The following POTEC variants were observed in gnomAD, a reference collection of about 807,000 sequenced individuals.
The protein encoded by POTEC is POTE ankyrin domain family member C.
A neutral mutation model predicts 62.0 loss-of-function variants in POTEC; 35 were observed. That is an observed-to-expected ratio of 0.56 (90% CI 0.43 to 0.75). The LOEUF (loss-of-function observed/expected upper bound fraction) is 0.75. Among genes scored for constraint, POTEC ranks in the 30% least tolerant of loss-of-function variants. The pLI is 0.00. For synonymous variants in POTEC, 156 were observed against 221.5 expected (o/e 0.70, Z 2.62); for missense variants, 472 against 655.9 (o/e 0.72, Z 3.06).
chr18:14,535,920 G>T (rs1382565615), intron 3 of POTEC, among the ~76,000 whole-genome samples: 5 of 152,046 alleles, frequency 3.3e-5, no homozygotes, highest in Non-Finnish European at 7.4e-5. Flanking sequence ...CTATTATTCT[G>T]TAAGCTGATA....
At chr18:14,523,230 C>T (rs1910353811) in intron 8 of POTEC, among the ~76,000 whole-genome samples, 1 of 148,124 alleles carries the variant, frequency 6.8e-6, no homozygotes, top group Admixed American at 6.8e-5. Flanking sequence ...CATTACCTAG[C>T]ATTTTATGGC....
In POTEC at chr18:14,510,159, C is replaced by A. The variant is rs1206173044; in HGVS notation, c.*1739G>T. On this transcript the variant is annotated 3_prime_UTR_variant, in exon 11 of 11. Transcript: ENST00000358970. ...GGATGGAGGGTCTGTGTTGTGGGCC[C>A]AAGCCACGGTTCCTTGTCTGGTGAT... 1 of 152,198 alleles carries A rather than the reference C, an allele frequency of 6.6e-6. No homozygotes were observed. The highest frequency in any genetic ancestry group is 1.5e-5 in the Non-Finnish European group (1 of 68,160). The allele number at this position is 152,198 out of a possible 1,614,324, so 9.4% of individuals were successfully genotyped here. A position where few individuals can be genotyped will look rare whatever the true frequency, so the allele number is the denominator to read the frequency against.
chr18:14,529,836 G>C (rs1255492387), intron 6 of POTEC, among the ~76,000 whole-genome samples: 7 of 152,128 alleles, frequency 4.6e-5, no homozygotes, highest in African/African-American at 1.4e-4. Flanking sequence ...TTGGGACAAG[G>C]ATATGTAACA....
At chr18:14,526,291 C>G (rs982881236) in intron 6 of POTEC, among the ~76,000 whole-genome samples, 6 of 152,082 alleles carry the variant, frequency 3.9e-5, no homozygotes, top group Admixed American at 3.9e-4. Flanking sequence ...CTTGAGGTAG[C>G]CTTAGGACCT....
In POTEC at chr18:14,507,351, T is replaced by TA. The variant is rs1488408950; in HGVS notation, c.*4546dup. ...CCAGCCCTCTGTCTTTTTTTTTTTTTAAATCTTTATTGGTATAGTCTGTTT... is the reference window on the plus strand; with the variant it reads ...CCAGCCCTCTGTCTTTTTTTTTTTTTAAAATCTTTATTGGTATAGTCTGTTT... On this transcript the variant is annotated 3_prime_UTR_variant, in exon 11 of 11. Transcript: ENST00000358970. 1 of 148,864 alleles carries TA rather than the reference T, an allele frequency of 6.7e-6. No homozygotes were observed. Among genetic ancestry groups the TA allele is most frequent in the East Asian group, 2.1e-4 (1 of 4,862 alleles). The allele number at this position is 148,864 out of a possible 1,614,324, so 9.2% of individuals were successfully genotyped here.
chr18:14,520,470 A>G (rs192191166), intron 9 of POTEC, among the ~76,000 whole-genome samples: 69 of 152,270 alleles, frequency 4.5e-4, no homozygotes, highest in African/African-American at 1.6e-3. Flanking sequence ...ATACTCATCA[A>G]ATATACAAAG....
intron 6 of POTEC, among the ~76,000 whole-genome samples, 179 bp downstream of exon 6, chr18:14,530,304 T>C (rs1315063728): frequency 6.6e-6 from 1 of 152,086 alleles, no homozygotes; most frequent in African/African-American, 2.4e-5. Flanking sequence ...TATTTCATTA[T>C]ATATTATGAT....
At position 14,510,916 on chromosome 18, in the gene POTEC, C is replaced by T. The variant is rs1424449815; in HGVS notation, c.*982G>A. 6.6e-6 allele frequency: 1 copy of T among 152,208 alleles called. No individual in the cohort carries two copies. The highest frequency in any genetic ancestry group is 1.5e-5 in the Non-Finnish European group (1 of 68,074). 9.4% of individuals were successfully genotyped at this position (152,208 alleles called of 1,614,324 possible). The stretch of plus-strand genomic sequence containing the variant: ...CCCCTGGGAGCTCTGACTCAGGAGG[C>T]CTGAAACCTCTGTGAGCCAGAGAAC... On this transcript the variant is annotated 3_prime_UTR_variant, in exon 11 of 11. Transcript: ENST00000358970.
intron 9 of POTEC, among the ~76,000 whole-genome samples, chr18:14,516,973 G>C (rs1910182074): frequency 1.3e-5 from 2 of 150,654 alleles, no homozygotes; most frequent in Non-Finnish European, 2.9e-5. Flanking sequence ...CTGACAAAGA[G>C]ACTAAAATCT....
intron 9 of POTEC, among the ~76,000 whole-genome samples, chr18:14,515,529 A>G (rs1375675484): frequency 2.6e-5 from 4 of 152,150 alleles, no homozygotes; most frequent in Non-Finnish European, 5.9e-5. Flanking sequence ...ACCTCTCACC[A>G]TGTAAAAAAA....
At chr18:14,523,224 AC>A in intron 8 of POTEC, among the ~76,000 whole-genome samples, 1 of 148,210 alleles carries the variant, frequency 6.7e-6, no homozygotes, top group East Asian at 2.0e-4. Flanking sequence ...AAGTGGCATT[AC>A]CTAGCATTTT....
Position 14,509,936 on chromosome 18 carries a change from A to T in POTEC, c.*1962T>A. 1 of 144,066 alleles carries T rather than the reference A, an allele frequency of 6.9e-6. No individual in the cohort carries two copies. The highest frequency in any genetic ancestry group is 1.5e-5 in the Non-Finnish European group (1 of 66,178). The allele number at this position is 144,066 out of a possible 1,614,324, so 8.9% of individuals were successfully genotyped here. Reference sequence around the variant, plus strand: ...TGTGCTGGGCAATCTTGCACGTGAGATGGGGCTGGTCTGACCTCAGCACTC... The same window carrying T: ...TGTGCTGGGCAATCTTGCACGTGAGTTGGGGCTGGTCTGACCTCAGCACTC... On this transcript the variant is annotated 3_prime_UTR_variant, in exon 11 of 11. Coordinates refer to ENST00000358970, the MANE Select transcript of POTEC (RefSeq NM_001137671.2).
chr18:14,532,526 T>C (rs1905559638), intron 5 of POTEC, among the ~76,000 whole-genome samples: 1 of 152,116 alleles, frequency 6.6e-6, no homozygotes, highest in Non-Finnish European at 1.5e-5. Flanking sequence ...GCAGAACCAG[T>C]TTGAGTGGCA....
At position 14,510,739 on chromosome 18, in the gene POTEC, A is replaced by C. The variant is rs1198914041; in HGVS notation, c.*1159T>G. On this transcript the variant is annotated 3_prime_UTR_variant, in exon 11 of 11. Coordinates refer to ENST00000358970, the MANE Select transcript of POTEC (RefSeq NM_001137671.2). The stretch of plus-strand genomic sequence containing the variant: ...CTAGTAAGGAGGAACAGGAATAGGG[A>C]CTTGTTTAAAAAAGAAGTCTGGCCA... 1 of 152,116 alleles carries C rather than the reference A, an allele frequency of 6.6e-6. No homozygotes were observed. 9.4% of individuals were successfully genotyped at this position (152,116 alleles called of 1,614,324 possible). A position where few individuals can be genotyped will look rare whatever the true frequency, so the allele number is the denominator to read the frequency against.
At chr18:14,531,833 C>T (rs1905527864) in intron 5 of POTEC, 2 of 151,864 alleles carry the variant, frequency 1.3e-5, no homozygotes, top group Admixed American at 6.6e-5. Flanking sequence ...CAAGGCTTGG[C>T]TCTTGTCCAT....
At chr18:14,526,999 C>T (rs556508323) in intron 6 of POTEC, among the ~76,000 whole-genome samples, 89 of 152,138 alleles carry the variant, frequency 5.8e-4, no homozygotes, top group Non-Finnish European at 1.1e-3. Flanking sequence ...TATAATAAGT[C>T]ATAGAAATTA....
In POTEC at chr18:14,543,344, A is replaced by G; in HGVS notation, c.-198T>C. 5 of 968,194 alleles carry G rather than the reference A, an allele frequency of 5.2e-6. No individual in the cohort carries two copies. Among genetic ancestry groups the G allele is most frequent in the Non-Finnish European group, 6.0e-6 (4 of 664,078 alleles). The allele number at this position is 968,194 out of a possible 1,614,324, so 60.0% of individuals were successfully genotyped here. Reference sequence around the variant, plus strand: ...ACCCACACCCACCCGGGGAAAGCCCACGCCCACCAGGGGGACCCAACGCCC... The same window carrying G: ...ACCCACACCCACCCGGGGAAAGCCCGCGCCCACCAGGGGGACCCAACGCCC... On this transcript the variant is annotated 5_prime_UTR_variant, in exon 1 of 11. Transcript: ENST00000358970.
At chr18:14,524,140 G>A (rs1910378520) in intron 7 of POTEC, among the ~76,000 whole-genome samples, 1 of 152,110 alleles carries the variant, frequency 6.6e-6, no homozygotes, top group South Asian at 2.1e-4. Flanking sequence ...ATTCTAAGGT[G>A]TACTAATTAT....
chr18:14,525,502 T>TC (rs1475172000), intron 6 of POTEC, among the ~76,000 whole-genome samples: 1 of 151,826 alleles, frequency 6.6e-6, no homozygotes, highest in Non-Finnish European at 1.5e-5. Context: ...CCCCTCCCCC[T>TC]CAGCATTTAT....
Sources: allele counts gnomAD v4.1 joint callset (sites outside exome capture counted in the v4.1 genomes callset), GRCh38; gene constraint gnomAD v4.1.1; transcripts MANE v1.5; gene names NCBI Gene and HGNC (gene_info 2026-07-23, HGNC 2026-07-21).